LMNTD1: variants seen among roughly 807,000 people sequenced by gnomAD.
LMNTD1 encodes the protein lamin tail domain containing 1.
LMNTD1 carries 35 observed loss-of-function variants against 50.9 expected under a neutral mutation model. The observed-to-expected ratio is 0.69, with a 90% CI of 0.53 to 0.91. The LOEUF is 0.91. Ranked by LOEUF, LMNTD1 falls within the 40% of genes least tolerant of loss-of-function variation. LMNTD1 has a pLI of 0.00. For synonymous variants in LMNTD1, 153 were observed against 161.9 expected, an observed-to-expected ratio of 0.94 and a Z score of 0.42; for missense variants, 470 against 475.5, an observed-to-expected ratio of 0.99 and a Z score of 0.11.
chr12:25,629,170 C>G (rs1461020060), intron 1 of LMNTD1, among the ~76,000 whole-genome samples: 7 of 152,196 alleles, frequency 4.6e-5, no homozygotes, highest in African/African-American at 1.7e-4. Context: ...TCTCCACCTC[C>G]AAGTTCAGTG....
rs141207015 is a variant in LMNTD1 at position 25,594,762 on chromosome 12, C to T, written c.59-48208G>A. The stretch of plus-strand genomic sequence containing the variant: ...TAACTTTGAATGTAAATGGCCTAAA[C>T]GCTCCACTTAAAAGACTCAGAATTG... On this transcript the variant is annotated intron_variant, in intron 1 of 7. Coordinates refer to the LMNTD1 transcript ENST00000445693. 2.8e-3 allele frequency among the ~76,000 whole-genome samples: 412 copies of T among 149,790 alleles called. 2 individuals are homozygous for T. Among genetic ancestry groups the T allele is most frequent in the African/African-American group, 9.2e-3 (373 of 40,652 alleles).
chr12:25,587,166 A>AT (rs1434361580), intron 1 of LMNTD1, among the ~76,000 whole-genome samples: 2 of 151,838 alleles, frequency 1.3e-5, no homozygotes, highest in African/African-American at 4.8e-5. Flanking sequence ...CCTCTATGTG[A>AT]TTTTCACCTG....
At chr12:25,638,416 A>C (rs912399379) in intron 1 of LMNTD1, among the ~76,000 whole-genome samples, 3 of 152,112 alleles carry the variant, frequency 2.0e-5, no homozygotes, top group South Asian at 2.1e-4. Context: ...TTTGCAAATA[A>C]CATGATCCTG....
rs1412843863 is a variant in LMNTD1, at chr12:25,520,058, G to A, written c.816C>T (p.Thr272=). 1.2e-6 allele frequency: 2 copies of A among 1,609,574 alleles called. No individual in the cohort carries two copies. Among genetic ancestry groups the A allele is most frequent in the South Asian group, 2.2e-5 (2 of 90,870 alleles). The change falls in exon 7 of 10, where the codon ACC becomes ACT. Residue 272 remains threonine, a synonymous_variant. Transcript: ENST00000458174. Reference sequence around the variant, plus strand: ...CCCACGCTTGCTTCCAGTGGATAGGGGTGTACCACGCAATGGCCTAATGAA... The same window carrying A: ...CCCACGCTTGCTTCCAGTGGATAGGAGTGTACCACGCAATGGCCTAATGAA... ...KPNGQAIAWY[T]PIHWKQAWEK...
intron 1 of LMNTD1, among the ~76,000 whole-genome samples, chr12:25,579,953 C>G (rs1452435809): frequency 1.3e-5 from 2 of 152,160 alleles, no homozygotes; most frequent in Admixed American, 1.3e-4. Context: ...TTTGGGTTCT[C>G]TGATACCCAG....
chr12:25,577,132 G>T (rs1196774494), intron 1 of LMNTD1, among the ~76,000 whole-genome samples: 2 of 152,054 alleles, frequency 1.3e-5, no homozygotes, highest in Admixed American at 6.6e-5. Flanking sequence ...GTGTGATGCT[G>T]CCAGCTTTGT....
chr12:25,505,591 T>C (rs1939700008), intron 8 of LMNTD1, among the ~76,000 whole-genome samples: 1 of 152,116 alleles, frequency 6.6e-6, no homozygotes, highest in Non-Finnish European at 1.5e-5. Context: ...AGAGAAAAAT[T>C]ATTACTTTTG....
At chr12:25,564,035 C>T (rs1304179449) in intron 1 of LMNTD1, among the ~76,000 whole-genome samples, 3 of 152,248 alleles carry the variant, frequency 2.0e-5, no homozygotes, top group South Asian at 2.1e-4. Flanking sequence ...TCCCAATTTT[C>T]CAGGTACCAC....
intron 4 of LMNTD1, 58 bp from the exon 5 acceptor site, chr12:25,527,013 A>G: frequency 8.0e-7 from 1 of 1,257,340 alleles, no homozygotes; most frequent in Non-Finnish European, 1.1e-6. Context: ...TCTTTGACTC[A>G]CTTTAAGAAG....
intron 1 of LMNTD1, among the ~76,000 whole-genome samples, chr12:25,628,154 A>G (rs1946637585): frequency 6.6e-6 from 1 of 151,032 alleles, no homozygotes; most frequent in Admixed American, 6.6e-5. Context: ...AGGATGTTAT[A>G]AAAGGTGAAA....
chr12:25,606,483 C>A (rs922858833), intron 1 of LMNTD1, among the ~76,000 whole-genome samples: 3 of 152,124 alleles, frequency 2.0e-5, no homozygotes, highest in Non-Finnish European at 2.9e-5. Context: ...ATAGATAGCA[C>A]TTATTATTTT....
At chr12:25,481,348 T>C (rs888808379) in intron 9 of LMNTD1, among the ~76,000 whole-genome samples, 1 of 152,064 alleles carries the variant, frequency 6.6e-6, no homozygotes, top group African/African-American at 2.4e-5. Context: ...TGAAGACAGA[T>C]AATTTTGTCT....
chr12:25,567,574 T>C (rs1018071842), intron 1 of LMNTD1, among the ~76,000 whole-genome samples: 8 of 152,204 alleles, frequency 5.3e-5, no homozygotes, highest in Non-Finnish European at 1.2e-4. Context: ...GATGGGATCA[T>C]GGGGATTGGT....
chr12:25,587,954 T>C (rs1945591684), intron 1 of LMNTD1, among the ~76,000 whole-genome samples: 1 of 152,190 alleles, frequency 6.6e-6, no homozygotes, highest in African/African-American at 2.4e-5. Context: ...TATTAATATT[T>C]ACCAGGCACC....
chr12:25,497,319 C>T (rs770304567), intron 9 of LMNTD1, among the ~76,000 whole-genome samples: 1 of 152,020 alleles, frequency 6.6e-6, no homozygotes, highest in African/African-American at 2.4e-5. Flanking sequence ...CAACGGCCGG[C>T]GGGAAGCACT....
intron 1 of LMNTD1, among the ~76,000 whole-genome samples, chr12:25,576,474 C>G (rs1945024461): frequency 6.6e-6 from 1 of 152,222 alleles, no homozygotes; most frequent in African/African-American, 2.4e-5. Context: ...TGTCTGTTGG[C>G]TGCATAAATG....
At chr12:25,598,539 C>A (rs535189464) in intron 1 of LMNTD1, among the ~76,000 whole-genome samples, 3 of 151,526 alleles carry the variant, frequency 2.0e-5, no homozygotes, top group African/African-American at 7.3e-5. Flanking sequence ...GAAATGAAAA[C>A]AATACAGAAG....
In LMNTD1 at chr12:25,577,918, A is replaced by G. The variant is rs552147258; in HGVS notation, c.59-31364T>C. ...TATCATGCCCATGGTGGGAGCATATATGGGGTTGGTAGCAGGTGGTGAGAT... is the reference window on the plus strand; with the variant it reads ...TATCATGCCCATGGTGGGAGCATATGTGGGGTTGGTAGCAGGTGGTGAGAT... On this transcript the variant is annotated intron_variant, in intron 1 of 7. Coordinates refer to the LMNTD1 transcript ENST00000445693. Among the ~76,000 whole-genome samples the G allele has an allele frequency of 4.7e-4, 72 of 152,220 alleles. 1 individual carries two copies. The highest frequency in any genetic ancestry group is 6.8e-3 in the Middle Eastern group (2 of 294).
chr12:25,477,580 G>A (rs1938310287), intron 9 of LMNTD1, among the ~76,000 whole-genome samples: 1 of 152,188 alleles, frequency 6.6e-6, no homozygotes, highest in African/African-American at 2.4e-5. Context: ...GTTTGGAAAA[G>A]CTGTCTTGAG....
Sources: gnomAD v4.1 joint callset for allele counts (sites outside exome capture counted in the v4.1 genomes callset) on GRCh38, gnomAD v4.1.1 for gene constraint, MANE v1.5 for transcripts, NCBI Gene and HGNC (gene_info 2026-07-23, HGNC 2026-07-21) for gene names.